Variants in CDYL2 observed in about 807,000 individuals in gnomAD.
The protein encoded by CDYL2 is chromodomain Y like 2, also known as chromodomain Y-like protein 2.
A neutral mutation model predicts 49.4 loss-of-function variants in CDYL2; 23 were observed. The observed-to-expected ratio is 0.47, with a 90% CI of 0.34 to 0.66. The LOEUF (loss-of-function observed/expected upper bound fraction) is 0.66. Ranked by LOEUF, CDYL2 falls within the 30% of genes least tolerant of loss-of-function variation. CDYL2 has a pLI of 0.01. For missense variants in CDYL2, 678 were observed against 656.4 expected (o/e 1.03, Z -0.36); for synonymous variants, 360 against 268.8 (o/e 1.34, Z -3.32).
intron 2 of CDYL2, among the ~76,000 whole-genome samples, chr16:80,648,044 C>A (rs941747091): frequency 6.6e-6 from 1 of 151,732 alleles, no homozygotes; most frequent in African/African-American, 2.4e-5. Context: ...GCTTTAAGTG[C>A]CTATACCAAA....
chr16:80,731,371 C>A (rs1189870858), intron 1 of CDYL2, among the ~76,000 whole-genome samples: 1 of 151,886 alleles, frequency 6.6e-6, no homozygotes, highest in Non-Finnish European at 1.5e-5. Context: ...ACCAAGAAAT[C>A]CAACATCTGA....
rs766993131 is a variant in CDYL2, at chr16:80,598,455, T to G, written c.*5933A>C. On this transcript the variant is annotated 3_prime_UTR_variant, in exon 7 of 7. Transcript: ENST00000570137. ...TCAATGATTCCATCATGAATGAGAA[T>G]GGAGAGAGAACTGAAGACAATTCTT... 6.6e-6 allele frequency: 1 copy of G among 152,170 alleles called. No individual in the cohort carries two copies. The highest frequency in any genetic ancestry group is 1.5e-5 in the Non-Finnish European group (1 of 68,026). The allele number at this position is 152,170 out of a possible 1,614,324, so 9.4% of individuals were successfully genotyped here. A position where few individuals can be genotyped will look rare whatever the true frequency, so the allele number is the denominator to read the frequency against.
chr16:80,740,193 G>A (rs1340562601), intron 1 of CDYL2, among the ~76,000 whole-genome samples: 7 of 152,280 alleles, frequency 4.6e-5, no homozygotes, highest in Middle Eastern at 3.4e-3. Flanking sequence ...GAATGAGCAC[G>A]TCCAGGAAGA....
At chr16:80,627,156 G>C (rs7188135) in intron 3 of CDYL2, among the ~76,000 whole-genome samples, 16,908 of 151,996 alleles carry the variant, frequency 0.11, 2,989 homozygotes, top group African/African-American at 0.38. Flanking sequence ...AGCCTATCTG[G>C]GTATAAGCAA....
chr16:80,771,868 T>C (rs1441560819), intron 1 of CDYL2, among the ~76,000 whole-genome samples: 6 of 152,134 alleles, frequency 3.9e-5, no homozygotes, highest in African/African-American at 1.4e-4. Flanking sequence ...TAGTGGATTA[T>C]GTAAACTGAA....
Position 80,716,688 on chromosome 16 carries a change from G to C in CDYL2, c.25-31559C>G, listed in dbSNP as rs368942333. On this transcript the variant is annotated intron_variant, in intron 1 of 6. Transcript: ENST00000570137. ...AATAGATGATTGGATGGATAACAGA[G>C]GGGTAATTGAATGAATGGATAGATA... Among the ~76,000 whole-genome samples the C allele has an allele frequency of 1.6e-4, 24 of 151,800 alleles. No homozygotes were observed. In the East Asian group the frequency reaches 2.9e-3, roughly 18 times the overall value.
At chr16:80,711,241 A>C (rs1448611986) in intron 1 of CDYL2, among the ~76,000 whole-genome samples, 2 of 152,248 alleles carry the variant, frequency 1.3e-5, no homozygotes, top group Non-Finnish European at 2.9e-5. Flanking sequence ...ATGGCCAACA[A>C]GAAGTGGGGC....
At position 80,598,845 on chromosome 16, in the gene CDYL2, A is replaced by G. The variant is rs1435562656; in HGVS notation, c.*5543T>C. 1 of 152,154 alleles carries G rather than the reference A, an allele frequency of 6.6e-6. No homozygotes were observed. Among genetic ancestry groups the G allele is most frequent in the African/African-American group, 2.4e-5 (1 of 41,440 alleles). The allele number at this position is 152,154 out of a possible 1,614,324, so 9.4% of individuals were successfully genotyped here. A position where few individuals can be genotyped will look rare whatever the true frequency, so the allele number is the denominator to read the frequency against. ...TTTCTCTGCACCATCAAGCATGCAC[A>G]TATCTGTCTAGATGTGCCCACAATC... On this transcript the variant is annotated 3_prime_UTR_variant, in exon 7 of 7. Transcript: ENST00000570137.
At chr16:80,803,236 A>G (rs1003427249) in intron 1 of CDYL2, among the ~76,000 whole-genome samples, 8 of 152,200 alleles carry the variant, frequency 5.3e-5, no homozygotes, top group African/African-American at 1.9e-4. Context: ...ATTGTTTGAA[A>G]GATGCCAGAC....
intron 2 of CDYL2, among the ~76,000 whole-genome samples, chr16:80,645,112 T>C (rs1409201613): frequency 6.6e-6 from 1 of 152,102 alleles, no homozygotes; most frequent in Non-Finnish European, 1.5e-5. Flanking sequence ...CCAAAAGCAA[T>C]GGCAACAAAA....
At chr16:80,773,169 TA>T (rs1468396141) in intron 1 of CDYL2, among the ~76,000 whole-genome samples, 7 of 152,202 alleles carry the variant, frequency 4.6e-5, no homozygotes, top group Admixed American at 2.6e-4. Flanking sequence ...TAATATCAGA[TA>T]TTTTTTAAAA....
intron 4 of CDYL2, among the ~76,000 whole-genome samples, chr16:80,619,760 G>C (rs1906994135): frequency 1.3e-5 from 2 of 152,202 alleles, no homozygotes. Context: ...AAACACACGG[G>C]TATTTCGGAG....
intron 1 of CDYL2, among the ~76,000 whole-genome samples, chr16:80,697,981 T>G (rs551362381): frequency 8.9e-4 from 135 of 152,208 alleles, no homozygotes; most frequent in African/African-American, 3.1e-3. Context: ...CGAAATGATC[T>G]GCAAAGTCAG....
chr16:80,686,920 A>G (rs1910218393), intron 1 of CDYL2, among the ~76,000 whole-genome samples: 1 of 152,242 alleles, frequency 6.6e-6, no homozygotes, highest in African/African-American at 2.4e-5. Context: ...GATTTATTAG[A>G]TAATTTTTAG....
intron 1 of CDYL2, among the ~76,000 whole-genome samples, chr16:80,713,890 A>G (rs1465233194): frequency 4.6e-5 from 7 of 152,130 alleles, no homozygotes; most frequent in Admixed American, 2.0e-4. Flanking sequence ...GTGCCAACCG[A>G]CAACATAGCT....
intron 4 of CDYL2, among the ~76,000 whole-genome samples, chr16:80,615,053 C>A (rs1906768879): frequency 6.6e-6 from 1 of 152,036 alleles, no homozygotes; most frequent in Admixed American, 6.6e-5. Flanking sequence ...TGTAAGTCAT[C>A]ATAAAAGTAC....
chr16:80,681,030 G>A (rs1381296849), intron 2 of CDYL2, among the ~76,000 whole-genome samples: 1 of 152,172 alleles, frequency 6.6e-6, no homozygotes, highest in Non-Finnish European at 1.5e-5. Flanking sequence ...GGGAAAAAGC[G>A]CAGTCTGAAA....
At position 80,602,054 on chromosome 16, in the gene CDYL2, A is replaced by T. The variant is rs758048245; in HGVS notation, c.*2334T>A. On this transcript the variant is annotated 3_prime_UTR_variant, in exon 7 of 7. Transcript: ENST00000570137. ...ACCGATGCTGAATATAACTGCGCCC[A>T]ATCAGAAGTTCAACAGAAAAGAGGG... 4.6e-5 allele frequency: 7 copies of T among 152,218 alleles called. No individual in the cohort carries two copies. Among genetic ancestry groups the T allele is most frequent in the Admixed American group, 1.3e-4 (2 of 15,292 alleles). 9.4% of individuals were successfully genotyped at this position (152,218 alleles called of 1,614,324 possible).
intron 1 of CDYL2, among the ~76,000 whole-genome samples, chr16:80,781,703 C>A (rs1283777160): frequency 6.6e-6 from 1 of 152,082 alleles, no homozygotes; most frequent in African/African-American, 2.4e-5. Flanking sequence ...AGTACCTTTT[C>A]TCACCAACAT....
Sources: allele counts gnomAD v4.1 joint callset (sites outside exome capture counted in the v4.1 genomes callset), GRCh38; gene constraint gnomAD v4.1.1; transcripts MANE v1.5; gene names NCBI Gene and HGNC (gene_info 2026-07-23, HGNC 2026-07-21).